CRKL: variants seen among roughly 807,000 people sequenced by gnomAD.
The protein encoded by CRKL is CRK like proto-oncogene, adaptor protein.
Under a neutral mutation model 23.0 loss-of-function variants are expected in CRKL, and 3 were observed. The ratio of observed to expected loss-of-function variants is 0.13; its 90% confidence interval spans 0.06 to 0.34. The LOEUF is 0.34. Among genes scored for constraint, CRKL ranks in the 10% least tolerant of loss-of-function variants. The probability of loss-of-function intolerance (pLI) is 1.00; values close to 1 mark genes in which losing one functional copy is unlikely to be tolerated. For missense variants in CRKL, 256 were observed against 394.5 expected (o/e 0.65, Z 2.97); for synonymous variants, 188 against 160.7 (o/e 1.17, Z -1.28).
At chr22:20,931,275 CAACTGCCTGTAGTCCCAG>C (rs1170507672) in intron 1 of CRKL, among the ~76,000 whole-genome samples, 1 of 152,092 alleles carries the variant, frequency 6.6e-6, no homozygotes, top group Admixed American at 6.6e-5. Context: ...TGTGTGATGG[CAACTGCCTGTAGTCCCAG>C]CTACTCAGGA....
At chr22:20,930,650 G>T (rs1315532758) in intron 1 of CRKL, among the ~76,000 whole-genome samples, 1 of 148,364 alleles carries the variant, frequency 6.7e-6, no homozygotes, top group African/African-American at 2.5e-5. Flanking sequence ...CCAGTGTTGG[G>T]ATTACAGGCG....
chr22:20,937,001 C>T (rs566333595), intron 2 of CRKL, among the ~76,000 whole-genome samples: 2 of 152,202 alleles, frequency 1.3e-5, no homozygotes, highest in African/African-American at 4.8e-5. Context: ...GCTGGGATTA[C>T]AGGTGCCCGC....
intron 1 of CRKL, 73 bp downstream of exon 1, chr22:20,918,318 G>C (rs575722793): frequency 2.0e-6 from 3 of 1,508,942 alleles, no homozygotes; most frequent in Admixed American, 4.1e-5. Flanking sequence ...TGTATAGGGG[G>C]GTGGGGCGCG....
chr22:20,946,839 C>T (rs1252676345), intron 2 of CRKL, among the ~76,000 whole-genome samples: 4 of 152,038 alleles, frequency 2.6e-5, no homozygotes, highest in East Asian at 1.9e-4. Flanking sequence ...ATGAGGGAAA[C>T]GGCAAGATGG....
intron 2 of CRKL, among the ~76,000 whole-genome samples, chr22:20,945,665 A>G (rs1459209716): frequency 6.6e-6 from 1 of 152,184 alleles, no homozygotes; most frequent in East Asian, 1.9e-4. Flanking sequence ...ACTGCTAGCC[A>G]GGGCACACAG....
At chr22:20,918,272 G>A (rs2147892165) in intron 1 of CRKL, 27 bp downstream of exon 1, 1 of 1,607,558 alleles carries the variant, frequency 6.2e-7, no homozygotes, top group African/African-American at 1.3e-5. Context: ...CCCGACCGCG[G>A]AGGAAGGTCG....
chr22:20,941,588 ATTTTTTTTTTTT>A (rs1198699701), intron 2 of CRKL, among the ~76,000 whole-genome samples: 1 of 33,554 alleles, frequency 3.0e-5, no homozygotes, highest in Non-Finnish European at 5.0e-5. Context: ...GTATATATAT[ATTTTTTTTTTTT>A]TTTTTTTTTT....
chr22:20,923,922 C>T (rs907428695), intron 1 of CRKL, among the ~76,000 whole-genome samples: 7 of 151,416 alleles, frequency 4.6e-5, no homozygotes, highest in Non-Finnish European at 1.0e-4. Flanking sequence ...CTCGGTGGCT[C>T]GTGCCTGTAA....
intron 2 of CRKL, among the ~76,000 whole-genome samples, chr22:20,936,533 TAG>T (rs898389383): frequency 4.1e-4 from 62 of 152,166 alleles, no homozygotes; most frequent in African/African-American, 1.3e-3. Context: ...GTATTTTTAA[TAG>T]AGACGGGGTT....
At chr22:20,939,109 C>T (rs1569136188) in intron 2 of CRKL, among the ~76,000 whole-genome samples, 1 of 151,696 alleles carries the variant, frequency 6.6e-6, no homozygotes, top group Non-Finnish European at 1.5e-5. Flanking sequence ...TGGACACCTC[C>T]AAAAAAACAT....
At chr22:20,930,604 A>C (rs890067904) in intron 1 of CRKL, among the ~76,000 whole-genome samples, 4 of 143,614 alleles carry the variant, frequency 2.8e-5, no homozygotes, top group Non-Finnish European at 6.0e-5. Context: ...TTGGTCTTGA[A>C]CTCCTGACCT....
intron 2 of CRKL, among the ~76,000 whole-genome samples, chr22:20,948,706 C>T (rs572536499): frequency 6.7e-5 from 10 of 149,040 alleles, no homozygotes; most frequent in African/African-American, 2.2e-4. Context: ...TGCTGCGTTG[C>T]GCCGGCTGGT....
chr22:20,923,316 G>A (rs796698406), intron 1 of CRKL, among the ~76,000 whole-genome samples: 15 of 150,890 alleles, frequency 9.9e-5, no homozygotes, highest in African/African-American at 2.7e-4. Context: ...TTGTTCTGTC[G>A]CCCAGGCTGG....
At chr22:20,938,889 G>A (rs1243691012) in intron 2 of CRKL, among the ~76,000 whole-genome samples, 4 of 152,158 alleles carry the variant, frequency 2.6e-5, no homozygotes, top group African/African-American at 9.7e-5. Flanking sequence ...ACAAGCTGGG[G>A]ATCTGTGGGA....
chr22:20,938,870 A>G (rs547043067), intron 2 of CRKL, among the ~76,000 whole-genome samples: 9 of 152,292 alleles, frequency 5.9e-5, no homozygotes, highest in South Asian at 2.1e-4. Context: ...TAAGAAAACA[A>G]TTGGTGACAC....
chr22:20,932,382 C>T (rs961958872), intron 1 of CRKL, among the ~76,000 whole-genome samples: 1 of 152,142 alleles, frequency 6.6e-6, no homozygotes, highest in African/African-American at 2.4e-5. Context: ...CAGGTCTGAG[C>T]CACCACGCCT....
intron 2 of CRKL, among the ~76,000 whole-genome samples, chr22:20,944,807 G>A (rs1444086510): frequency 2.6e-5 from 4 of 151,358 alleles, no homozygotes; most frequent in Non-Finnish European, 5.9e-5. Flanking sequence ...AGGCTAGAGT[G>A]CAGTGGCACA....
At position 20,934,236 on chromosome 22, in the gene CRKL, G is replaced by C. The variant is rs1284642010; in HGVS notation, c.769G>C (p.Ala257Pro). 6.2e-7 allele frequency: 1 copy of C among 1,611,762 alleles called. No individual in the cohort carries two copies. Among genetic ancestry groups the C allele is most frequent in the South Asian group, 1.1e-5 (1 of 90,980 alleles). The change falls in exon 2 of 3, where the codon GCA becomes CCA. Residue 257 changes from alanine (A) to proline (P), a missense_variant. Transcript: ENST00000354336. ...CTGTGCTTATGACAAGACTGCCTTG[G>C]CATTAGAGGTAAAATCTGTTCAGAT... ...VPCAYDKTAL[A>P]LEVGDIVKVT...
chr22:20,939,137 T>G (rs1470657771), intron 2 of CRKL, among the ~76,000 whole-genome samples: 1 of 152,106 alleles, frequency 6.6e-6, no homozygotes, highest in African/African-American at 2.4e-5. Context: ...AACAAAAGTT[T>G]ATTGAGTGCC....
Sources: allele counts gnomAD v4.1 joint callset (sites outside exome capture counted in the v4.1 genomes callset), GRCh38; gene constraint gnomAD v4.1.1; transcripts MANE v1.5; gene names NCBI Gene and HGNC (gene_info 2026-07-23, HGNC 2026-07-21).